FAM81B: variants seen among roughly 807,000 people sequenced by gnomAD.
The protein encoded by FAM81B is protein FAM81B.
Under a neutral mutation model 58.7 loss-of-function variants are expected in FAM81B, and 60 were observed. The observed-to-expected ratio is 1.02, with a 90% CI of 0.83 to 1.27. FAM81B has a LOEUF of 1.27. FAM81B is among the 50% of genes most tolerant of loss of function. FAM81B has a pLI of 0.00. For synonymous variants in FAM81B, 189 were observed against 179.6 expected, an observed-to-expected ratio of 1.05 and a Z score of -0.42; for missense variants, 491 against 522.0, an observed-to-expected ratio of 0.94 and a Z score of 0.58.
intron 7 of FAM81B, among the ~76,000 whole-genome samples, chr5:95,446,087 G>A (rs901546190): frequency 1.3e-5 from 2 of 152,186 alleles, no homozygotes; most frequent in Admixed American, 1.3e-4. Flanking sequence ...CCACTGCAAT[G>A]GAGCATTGAG....
intron 3 of FAM81B, among the ~76,000 whole-genome samples, chr5:95,409,651 G>A (rs1367112591): frequency 1.3e-5 from 2 of 151,940 alleles, no homozygotes; most frequent in African/African-American, 4.8e-5. Flanking sequence ...TCCTTTATAA[G>A]CCAACCAGAT....
At chr5:95,402,292 T>C (rs1247323492) in intron 3 of FAM81B, among the ~76,000 whole-genome samples, 1 of 152,224 alleles carries the variant, frequency 6.6e-6, no homozygotes, top group Non-Finnish European at 1.5e-5. Context: ...TTCTCTGTCC[T>C]TGTGGCAATG....
rs189787252 is a variant in FAM81B at position 95,440,327 on chromosome 5, G to T, written c.893+3421G>T. The stretch of plus-strand genomic sequence containing the variant: ...ATGCAACTAAAAATGCAGAACCATT[G>T]ATCAATTTGGATGTAAATAATCCTG... On this transcript the variant is annotated intron_variant, in intron 7 of 9. Coordinates refer to ENST00000283357, the MANE Select transcript of FAM81B (RefSeq NM_152548.3). 2.7e-4 allele frequency: 260 copies of T among 965,996 alleles called. 2 individuals carry two copies. Among genetic ancestry groups the T allele is most frequent in the South Asian group, 2.0e-3 (159 of 78,878 alleles). The allele number at this position is 965,996 out of a possible 1,614,324, so 59.8% of individuals were successfully genotyped here. A position where few individuals can be genotyped will look rare whatever the true frequency, so the allele number is the denominator to read the frequency against.
chr5:95,415,062 T>TATTAGA lies in FAM81B; in HGVS notation c.537+872_537+873insATTAGA, dbSNP rs1473162578. 4.7e-4 allele frequency among the ~76,000 whole-genome samples: 72 copies of TATTAGA among 152,282 alleles called. 1 individual carries two copies. Among genetic ancestry groups the TATTAGA allele is most frequent in the African/African-American group, 1.7e-3 (71 of 41,550 alleles). On this transcript the variant is annotated intron_variant, in intron 4 of 9. Transcript: ENST00000283357. ...TTGATGAATGAATAAATTAATTAAT[T>TATTAGA]TTAAGGCATTAGAGTAAAAATAGAG... is the stretch of plus-strand genomic sequence containing the variant.
rs1035234330 is a variant in FAM81B at position 95,420,319 on chromosome 5, G to T, written c.573G>T (p.Ala191=). ...ACCAAATAAGAGCTCGAGATCAGGC[G>T]GCCACAGGAACTAACTTTGCAGTAC... ...LEDQIRARDQ[A]ATGTNFAVHE... Residue 191 remains alanine, a synonymous_variant, in exon 5 of 10, where the codon GCG becomes GCT. Transcript: ENST00000283357. 6 of 1,613,602 alleles carry T rather than the reference G, an allele frequency of 3.7e-6. No homozygotes were observed. The highest frequency in any genetic ancestry group is 2.7e-5 in the African/African-American group (2 of 74,878).
At chr5:95,430,154 T>C (rs1744813115) in intron 6 of FAM81B, among the ~76,000 whole-genome samples, 1 of 152,128 alleles carries the variant, frequency 6.6e-6, no homozygotes, top group African/African-American at 2.4e-5. Context: ...CTCTGTTTAG[T>C]ATATTTTTAA....
intron 5 of FAM81B, chr5:95,423,945 G>A (rs930975017): frequency 4.1e-6 from 5 of 1,205,394 alleles, no homozygotes; most frequent in South Asian, 2.5e-5. Flanking sequence ...GTGGGTCATC[G>A]GAGAAAGACA....
At chr5:95,413,450 T>C (rs1370813091) in intron 3 of FAM81B, among the ~76,000 whole-genome samples, 1 of 152,208 alleles carries the variant, frequency 6.6e-6, no homozygotes, top group South Asian at 2.1e-4. Context: ...TGTTAGACAA[T>C]ATGAAAATGT....
chr5:95,440,726 C>G lies in FAM81B; in HGVS notation c.893+3820C>G. The G allele has an allele frequency of 8.0e-6, 4 of 501,876 alleles. No individual in the cohort carries two copies. The South Asian group carries it at 1.4e-4, about 18-fold the overall frequency. 31.1% of individuals were successfully genotyped at this position (501,876 alleles called of 1,614,324 possible). A position where few individuals can be genotyped will look rare whatever the true frequency, so the allele number is the denominator to read the frequency against. On this transcript the variant is annotated intron_variant, in intron 7 of 9. Coordinates refer to ENST00000283357, the MANE Select transcript of FAM81B (RefSeq NM_152548.3). Reference sequence around the variant, plus strand: ...ACTTCAGCTTCTCACCTATTTAGTACAACTGGGAACCATGTCCACTTCTGG... The same window carrying G: ...ACTTCAGCTTCTCACCTATTTAGTAGAACTGGGAACCATGTCCACTTCTGG...
At chr5:95,430,020 T>C (rs1744806887) in intron 6 of FAM81B, among the ~76,000 whole-genome samples, 1 of 152,140 alleles carries the variant, frequency 6.6e-6, no homozygotes, top group African/African-American at 2.4e-5. Context: ...TCTAATGTGT[T>C]AATACATTTC....
chr5:95,448,930 T>C, intron 9 of FAM81B: 2 of 273,198 alleles, frequency 7.3e-6, no homozygotes, highest in Middle Eastern at 4.1e-4. Context: ...GAGTCCAGTA[T>C]AATGACTGCT....
At chr5:95,407,560 G>T (rs1762289264) in intron 3 of FAM81B, among the ~76,000 whole-genome samples, 1 of 152,018 alleles carries the variant, frequency 6.6e-6, no homozygotes, top group African/African-American at 2.4e-5. Flanking sequence ...CTGTTCAAGG[G>T]GCATCTCTAG....
intron 5 of FAM81B, chr5:95,424,084 A>G: frequency 7.8e-7 from 1 of 1,289,800 alleles, no homozygotes; most frequent in Non-Finnish European, 1.0e-6. Flanking sequence ...CCTGAGAGAA[A>G]CTGGCTGAAG....
Position 95,391,528 on chromosome 5 carries a change from T to C in FAM81B, c.124+15T>C, listed in dbSNP as rs1761815769. ...CATGAGTTCAGGTACTTATGGACTA[T>C]TCGAGGTCTCTAAATTTCTCCTACT... On this transcript the variant is annotated intron_variant, in intron 1 of 9. Coordinates refer to ENST00000283357, the MANE Select transcript of FAM81B (RefSeq NM_152548.3). 1.9e-6 allele frequency: 3 copies of C among 1,592,648 alleles called. No individual in the cohort carries two copies. The highest frequency in any genetic ancestry group is 1.1e-5 in the South Asian group (1 of 87,212).
At chr5:95,427,321 C>T (rs1292246426) in intron 5 of FAM81B, among the ~76,000 whole-genome samples, 1 of 152,110 alleles carries the variant, frequency 6.6e-6, no homozygotes, top group Non-Finnish European at 1.5e-5. Flanking sequence ...CTGACAATGA[C>T]AGTTTGTATA....
chr5:95,400,319 G>A (rs910192032), intron 3 of FAM81B, among the ~76,000 whole-genome samples: 1 of 151,920 alleles, frequency 6.6e-6, no homozygotes, highest in Non-Finnish European at 1.5e-5. Context: ...GGCACTCCTT[G>A]GCTTGTAGAT....
In FAM81B at chr5:95,391,377, G is replaced by A; in HGVS notation, c.-13G>A. 1 of 1,609,902 alleles carries A rather than the reference G, an allele frequency of 6.2e-7. No homozygotes were observed. The highest frequency in any genetic ancestry group is 8.5e-7 in the Non-Finnish European group (1 of 1,178,228). The stretch of plus-strand genomic sequence containing the variant: ...TGGGAAGAGGCCCCAGAAACAGGAA[G>A]ACCTTAGTTAGGATGCAATTACAAT... On this transcript the variant is annotated 5_prime_UTR_variant, in exon 1 of 10. Coordinates refer to ENST00000283357, the MANE Select transcript of FAM81B (RefSeq NM_152548.3).
chr5:95,433,265 G>T (rs1744971314), intron 6 of FAM81B, among the ~76,000 whole-genome samples: 1 of 152,050 alleles, frequency 6.6e-6, no homozygotes, highest in South Asian at 2.1e-4. Flanking sequence ...GTGAAGGGTA[G>T]CAAAGGCATG....
chr5:95,431,904 T>C (rs1404092791), intron 6 of FAM81B, among the ~76,000 whole-genome samples: 14 of 152,012 alleles, frequency 9.2e-5, no homozygotes, highest in East Asian at 1.9e-4. Context: ...TTTTAGCTCA[T>C]GTTTTTTCAT....
Sources: gnomAD v4.1 joint callset for allele counts (sites outside exome capture counted in the v4.1 genomes callset) on GRCh38, gnomAD v4.1.1 for gene constraint, MANE v1.5 for transcripts, NCBI Gene and HGNC (gene_info 2026-07-23, HGNC 2026-07-21) for gene names.